GRIN3A: variants seen among roughly 807,000 people sequenced by gnomAD.
The protein encoded by GRIN3A is glutamate receptor ionotropic, NMDA 3A.
GRIN3A carries 47 observed loss-of-function variants against 92.4 expected under a neutral mutation model. That is an observed-to-expected ratio of 0.51 (90% CI 0.40 to 0.65). The LOEUF is 0.65. Among genes scored for constraint, GRIN3A ranks in the 30% least tolerant of loss-of-function variants. The pLI is 0.00. For synonymous variants in GRIN3A, 527 were observed against 540.6 expected (o/e 0.97, Z 0.35); for missense variants, 1,324 against 1,393.1 (o/e 0.95, Z 0.79).
rs1828747203 is a variant in GRIN3A at position 101,634,051 on chromosome 9, T to C, written c.2353-5650A>G. Among the ~76,000 whole-genome samples, 4 of 152,020 alleles carry C rather than the reference T, an allele frequency of 2.6e-5. No individual in the cohort carries two copies. In the South Asian group the frequency reaches 8.3e-4, roughly 32 times the overall value. On this transcript the variant is annotated intron_variant, in intron 3 of 8. Coordinates refer to ENST00000361820, the MANE Select transcript of GRIN3A (RefSeq NM_133445.3). ...CCAGTGACAAGAAAATTACTCCTCCTGGCCGGGCATGGTGGTTTACGCCTG... is the reference window on the plus strand; with the variant it reads ...CCAGTGACAAGAAAATTACTCCTCCCGGCCGGGCATGGTGGTTTACGCCTG...
At position 101,630,331 on chromosome 9, in the gene GRIN3A, G is replaced by A. The variant is rs12343034; in HGVS notation, c.2353-1930C>T. Among the ~76,000 whole-genome samples, 1,414 of 152,136 alleles carry A rather than the reference G, an allele frequency of 9.3e-3. 28 individuals are homozygous for A. Among genetic ancestry groups the A allele is most frequent in the African/African-American group, 0.033 (1,356 of 41,490 alleles). Reference sequence around the variant, plus strand: ...TCCTACCCAAAACAACAACAATAGAGAAACATAACTACTTATTTATCTGTG... The same window carrying A: ...TCCTACCCAAAACAACAACAATAGAAAAACATAACTACTTATTTATCTGTG... On this transcript the variant is annotated intron_variant, in intron 3 of 8. Coordinates refer to ENST00000361820, the MANE Select transcript of GRIN3A (RefSeq NM_133445.3).
chr9:101,595,790 C>T (rs1323433), intron 6 of GRIN3A, among the ~76,000 whole-genome samples: 33,527 of 152,084 alleles, frequency 0.22, 3,736 homozygotes, highest in Middle Eastern at 0.31. Context: ...ATCTCATGCC[C>T]GAGTCACATC....
At chr9:101,646,777 C>T (rs1013460819) in intron 3 of GRIN3A, among the ~76,000 whole-genome samples, 3 of 151,622 alleles carry the variant, frequency 2.0e-5, no homozygotes, top group African/African-American at 4.8e-5. Flanking sequence ...AGCTACTGCG[C>T]ATGGGATTGC....
At chr9:101,583,036 C>T (rs990381854) in intron 6 of GRIN3A, among the ~76,000 whole-genome samples, 2 of 152,118 alleles carry the variant, frequency 1.3e-5, no homozygotes, top group Non-Finnish European at 2.9e-5. Context: ...ATGCCAGATA[C>T]AATATACCTG....
At chr9:101,688,801 G>A (rs1829574683) in intron 1 of GRIN3A, among the ~76,000 whole-genome samples, 1 of 152,068 alleles carries the variant, frequency 6.6e-6, no homozygotes, top group Non-Finnish European at 1.5e-5. Flanking sequence ...CTGGGAGATG[G>A]AGGTTGCAGT....
At position 101,601,651 on chromosome 9, in the gene GRIN3A, T is replaced by C. The variant is rs1828212907; in HGVS notation, c.2766+11725A>G. The stretch of plus-strand genomic sequence containing the variant: ...CCCTTTGAAACCTGTAGGGCAACCC[T>C]TGCTTGCCTCTTCCTAGCTCCTGGT... On this transcript the variant is annotated intron_variant, in intron 6 of 8. Coordinates refer to ENST00000361820, the MANE Select transcript of GRIN3A (RefSeq NM_133445.3). 2.0e-5 allele frequency among the ~76,000 whole-genome samples: 3 copies of C among 152,166 alleles called. No homozygotes were observed. The South Asian group carries it at 6.2e-4, about 32-fold the overall frequency.
intron 3 of GRIN3A, among the ~76,000 whole-genome samples, chr9:101,658,752 G>GTCTATCTATCTA (rs1246362172): frequency 2.2e-5 from 3 of 139,228 alleles, no homozygotes; most frequent in Admixed American, 7.1e-5. Flanking sequence ...CTATCTATCT[G>GTCTATCTATCTA]TCTATCTGTC....
chr9:101,569,515 G>A lies in GRIN3A; in HGVS notation c.*3659C>T, dbSNP rs1049951908. 3.9e-5 allele frequency: 6 copies of A among 152,080 alleles called. No homozygotes were observed. Among genetic ancestry groups the A allele is most frequent in the South Asian group, 2.1e-4 (1 of 4,822 alleles). 9.4% of individuals were successfully genotyped at this position (152,080 alleles called of 1,614,324 possible). A position where few individuals can be genotyped will look rare whatever the true frequency, so the allele number is the denominator to read the frequency against. ...ACAGCATTTCCGTTCTTCCTGGAGC[G>A]GAGCGATTGCAAACACATTAAAATG... On this transcript the variant is annotated 3_prime_UTR_variant, in exon 9 of 9. Transcript: ENST00000361820.
intron 4 of GRIN3A, among the ~76,000 whole-genome samples, chr9:101,626,741 A>G (rs1303156449): frequency 6.6e-6 from 1 of 152,228 alleles, no homozygotes; most frequent in African/African-American, 2.4e-5. Flanking sequence ...TTCTGCAAAC[A>G]TCAAGGACCT....
intron 6 of GRIN3A, chr9:101,592,556 G>T (rs1441934261): frequency 6.6e-6 from 1 of 152,176 alleles, no homozygotes; most frequent in Non-Finnish European, 1.5e-5. Context: ...CCAAACCCAG[G>T]TGTGTCTGAA....
intron 8 of GRIN3A, among the ~76,000 whole-genome samples, chr9:101,576,611 T>C (rs992533581): frequency 5.9e-5 from 9 of 152,326 alleles, no homozygotes; most frequent in East Asian, 1.9e-4. Context: ...TGCTGCTATG[T>C]CTTCTTGTGT....
chr9:101,683,431 T>A (rs541594175), intron 2 of GRIN3A, among the ~76,000 whole-genome samples: 1 of 152,334 alleles, frequency 6.6e-6, no homozygotes, highest in East Asian at 1.9e-4. Flanking sequence ...ACTTATGGAC[T>A]GAGAATAACT....
At chr9:101,614,057 T>C (rs1229522753) in intron 5 of GRIN3A, among the ~76,000 whole-genome samples, 3 of 152,148 alleles carry the variant, frequency 2.0e-5, no homozygotes, top group Admixed American at 6.6e-5. Flanking sequence ...CAGGAACTTA[T>C]AAAAATCAAC....
chr9:101,583,756 C>G (rs753178940), intron 6 of GRIN3A, among the ~76,000 whole-genome samples: 3 of 152,076 alleles, frequency 2.0e-5, no homozygotes, highest in Admixed American at 6.5e-5. Flanking sequence ...TTTTTTCCCC[C>G]TTTATCCCAT....
At chr9:101,671,485 T>C (rs1444131112) in intron 2 of GRIN3A, among the ~76,000 whole-genome samples, 1 of 152,208 alleles carries the variant, frequency 6.6e-6, no homozygotes, top group Non-Finnish European at 1.5e-5. Context: ...ACATATCCTA[T>C]TTCTATTGTT....
Position 101,707,517 on chromosome 9 carries a change from G to A in GRIN3A, c.700-20317C>T, listed in dbSNP as rs942907910. ...ATGTCCTCTGAAGTATTCCAGATTG[G>A]CAGCTTCTGAGAAGTAAGAAATGAA... On this transcript the variant is annotated intron_variant, in intron 1 of 8. Coordinates refer to ENST00000361820, the MANE Select transcript of GRIN3A (RefSeq NM_133445.3). 3.3e-5 allele frequency among the ~76,000 whole-genome samples: 5 copies of A among 152,234 alleles called. No individual in the cohort carries two copies. In the South Asian group the frequency reaches 8.3e-4, roughly 25 times the overall value.
At chr9:101,690,927 C>A (rs965181185) in intron 1 of GRIN3A, among the ~76,000 whole-genome samples, 1 of 151,806 alleles carries the variant, frequency 6.6e-6, no homozygotes, top group African/African-American at 2.4e-5. Context: ...AAAATATGTT[C>A]CAGGCCATTA....
chr9:101,573,529 AT>A lies in GRIN3A; in HGVS notation c.3009-17del. Reference sequence around the variant, plus strand: ...CACATTAGACCTAGGAAACAGAGAAATTTTAGATTTACTTTCCATTCTGCAG... The same window carrying A: ...CACATTAGACCTAGGAAACAGAGAAATTTAGATTTACTTTCCATTCTGCAG... On this transcript the variant is annotated splice_polypyrimidine_tract_variant and intron_variant, in intron 8 of 8. Transcript: ENST00000361820. 1 of 1,597,074 alleles carries A rather than the reference AT, an allele frequency of 6.3e-7. No individual in the cohort carries two copies. The highest frequency in any genetic ancestry group is 8.6e-7 in the Non-Finnish European group (1 of 1,164,750).
At chr9:101,702,120 G>A (rs1829763513) in intron 1 of GRIN3A, among the ~76,000 whole-genome samples, 1 of 152,086 alleles carries the variant, frequency 6.6e-6, no homozygotes, top group African/African-American at 2.4e-5. Flanking sequence ...TGGCCAACAT[G>A]GTGAAGCTCT....
Sources: allele counts gnomAD v4.1 joint callset (sites outside exome capture counted in the v4.1 genomes callset), GRCh38; gene constraint gnomAD v4.1.1; transcripts MANE v1.5; gene names NCBI Gene and HGNC (gene_info 2026-07-23, HGNC 2026-07-21).